Variants in TBCD observed in about 807,000 individuals in gnomAD.
TBCD encodes tubulin-specific chaperone D.
Under a neutral mutation model 169.3 loss-of-function variants are expected in TBCD, and 105 were observed. The ratio of observed to expected loss-of-function variants is 0.62; its 90% CI spans 0.53 to 0.73. The LOEUF (loss-of-function observed/expected upper bound fraction) is 0.73, where lower values mean the gene tolerates loss of function less well. Ranked by LOEUF, TBCD falls within the 30% of genes least tolerant of loss-of-function variation. The probability of loss-of-function intolerance (pLI) is 0.00; values close to 1 mark genes in which losing one functional copy is unlikely to be tolerated. For synonymous variants in TBCD, 700 were observed against 643.9 expected, an observed-to-expected ratio of 1.09 and a Z score of -1.32; for missense variants, 1,444 against 1,600.1, an observed-to-expected ratio of 0.90 and a Z score of 1.66.
Position 82,806,359 on chromosome 17 carries a change from CT to C in TBCD, c.1087+349del, listed in dbSNP as rs1268299558. ...GCTCAGGTCTCTGGCTCCTTGGCCC[CT>C]AAACCCTGCTCAGTTCCTTACCTCA... On this transcript the variant is annotated intron_variant, in intron 10 of 38. Coordinates refer to ENST00000355528, the MANE Select transcript of TBCD (RefSeq NM_005993.5). This position sits in a 1 kb window ranked among gnomAD's most constrained non-coding sequence, Gnocchi z 5.1. Among the ~76,000 whole-genome samples, 1 of 152,130 alleles carries C rather than the reference CT, an allele frequency of 6.6e-6. No individual in the cohort carries two copies. The highest frequency in any genetic ancestry group is 6.5e-5 in the Admixed American group (1 of 15,272).
At chr17:82,797,698 GTA>G (rs2050197584) in intron 7 of TBCD, 57 bp from the exon 8 acceptor site, 2 of 1,241,844 alleles carry the variant, frequency 1.6e-6, no homozygotes, top group African/African-American at 3.1e-5. Flanking sequence ...CAATTTGTGT[GTA>G]TGTTTTAAAC....
Position 82,831,462 on chromosome 17 carries a change from A to T in TBCD, c.1318+16528A>T. The T allele has an allele frequency of 6.2e-7, 1 of 1,614,146 alleles. No individual in the cohort carries two copies. The highest frequency in any genetic ancestry group is 8.5e-7 in the Non-Finnish European group (1 of 1,180,020). On this transcript the variant is annotated intron_variant, in intron 13 of 38. Coordinates refer to ENST00000355528, the MANE Select transcript of TBCD (RefSeq NM_005993.5). This position sits in a 1 kb window ranked among gnomAD's most constrained non-coding sequence, Gnocchi z 4.6. Reference sequence around the variant, plus strand: ...CAGTGACAGGTGGGAGTCTGAGACCATAGGAGGAAAATGCAGACTCTGGCC... The same window carrying T: ...CAGTGACAGGTGGGAGTCTGAGACCTTAGGAGGAAAATGCAGACTCTGGCC...
At chr17:82,764,248 C>T (rs78221011) in intron 3 of TBCD, among the ~76,000 whole-genome samples, 186 bp downstream of exon 3, 1 of 152,212 alleles carries the variant, frequency 6.6e-6, no homozygotes, top group African/African-American at 2.4e-5. Context: ...TTGGCTGAAA[C>T]AGTGTCAGGA....
At chr17:82,938,258 C>A in intron 36 of TBCD, 122 bp downstream of exon 36, 1 of 1,146,148 alleles carries the variant, frequency 8.7e-7, no homozygotes. Flanking sequence ...CTCGTTAACG[C>A]GCCTGGGTGA....
intron 5 of TBCD, among the ~76,000 whole-genome samples, chr17:82,769,598 T>C (rs1182780364): frequency 6.6e-6 from 1 of 152,186 alleles, no homozygotes; most frequent in African/African-American, 2.4e-5. Context: ...TACATTGGGC[T>C]GGGCATGGTG....
At position 82,920,057 on chromosome 17, in the gene TBCD, TG is replaced by T. The variant is rs1159348867; in HGVS notation, c.2039-497del. On this transcript the variant is annotated intron_variant, in intron 23 of 38. Coordinates refer to ENST00000355528, the MANE Select transcript of TBCD (RefSeq NM_005993.5). This position sits in a 1 kb window ranked among gnomAD's most constrained non-coding sequence, Gnocchi z 4.1. ...CCAGTCGTCTCTGTCTCGTGCGTCC[TG>T]GCCCCCTCGTGGCTGGTCAGGGCCA... Among the ~76,000 whole-genome samples, 2 of 152,186 alleles carry T rather than the reference TG, an allele frequency of 1.3e-5. No homozygotes were observed. Among genetic ancestry groups the T allele is most frequent in the Non-Finnish European group, 2.9e-5 (2 of 68,020 alleles).
intron 8 of TBCD, among the ~76,000 whole-genome samples, chr17:82,798,247 C>A (rs756216140): frequency 2.7e-5 from 4 of 148,532 alleles, no homozygotes; most frequent in African/African-American, 1.0e-4. Context: ...CCTGGATTCA[C>A]GCCATTCTCC....
intron 13 of TBCD, among the ~76,000 whole-genome samples, chr17:82,863,810 G>A (rs914665601): frequency 6.6e-6 from 1 of 152,234 alleles, no homozygotes; most frequent in African/African-American, 2.4e-5. Context: ...GGAGTAGGAG[G>A]TGCTGCCTGA....
At chr17:82,853,963 T>C (rs2056037115) in intron 13 of TBCD, among the ~76,000 whole-genome samples, 1 of 152,188 alleles carries the variant, frequency 6.6e-6, no homozygotes, top group African/African-American at 2.4e-5. Context: ...CCACATCTTC[T>C]TCCTTGTTGG....
chr17:82,928,251 G>T (rs1310885649), intron 30 of TBCD, among the ~76,000 whole-genome samples: 1 of 152,168 alleles, frequency 6.6e-6, no homozygotes, highest in Non-Finnish European at 1.5e-5. Flanking sequence ...GGCCTCCAAC[G>T]GTGCTCTGGC....
At position 82,943,970 on chromosome 17, in the gene TBCD, T is replaced by C. The variant is rs1221513389; in HGVS notation, c.*1507T>C. 1.3e-5 allele frequency: 2 copies of C among 152,212 alleles called. No individual in the cohort carries two copies. The highest frequency in any genetic ancestry group is 2.9e-5 in the Non-Finnish European group (2 of 68,042). The allele number at this position is 152,212 out of a possible 1,614,324, so 9.4% of individuals were successfully genotyped here. A position where few individuals can be genotyped will look rare whatever the true frequency, so the allele number is the denominator to read the frequency against. ...CCTGTGGTCGGCACACACGAGACTC[T>C]GGTTGCGCCTGCTGGGTGTGGAACA... On this transcript the variant is annotated 3_prime_UTR_variant, in exon 39 of 39. Transcript: ENST00000355528.
intron 13 of TBCD, among the ~76,000 whole-genome samples, chr17:82,850,538 A>G (rs555074699): frequency 0.14 from 3,526 of 25,992 alleles, 50 homozygotes; most frequent in Admixed American, 0.16. Context: ...TGCTGTTGTT[A>G]GCTGTGCTGT....
At chr17:82,784,597 C>G (rs756763286) in intron 7 of TBCD, among the ~76,000 whole-genome samples, 21 of 152,134 alleles carry the variant, frequency 1.4e-4, no homozygotes, top group Non-Finnish European at 2.9e-4. Flanking sequence ...CAATTGGATT[C>G]TTCATTTTTT....
chr17:82,834,743 G>A (rs1257506697), intron 13 of TBCD, among the ~76,000 whole-genome samples: 1 of 152,086 alleles, frequency 6.6e-6, no homozygotes, highest in African/African-American at 2.4e-5. Context: ...GGGAGGGAGA[G>A]CATTAAGACA....
chr17:82,859,813 C>G lies in TBCD; in HGVS notation c.1319-10411C>G, dbSNP rs185785457. ...CTGTCCTGCCTGTTCATGGCAGTGA[C>G]CCAGAAAGATTCATCAGTGGGCGGT... is the stretch of plus-strand genomic sequence containing the variant. On this transcript the variant is annotated intron_variant, in intron 13 of 38. Coordinates refer to ENST00000355528, the MANE Select transcript of TBCD (RefSeq NM_005993.5). 415 of 985,442 alleles carry G rather than the reference C, an allele frequency of 4.2e-4. 1 individual carries two copies. Among genetic ancestry groups the G allele is most frequent in the Middle Eastern group, 5.2e-4 (1 of 1,914 alleles). 61.0% of individuals were successfully genotyped at this position (985,442 alleles called of 1,614,324 possible).
rs1436193273 is a variant in TBCD, at chr17:82,782,458, C to G, written c.771+737C>G. ...GAGAGCACTTCTCATCCTTGTCTCA[C>G]GCTGTGGAGCCTGTGGTCCCTCTGA... On this transcript the variant is annotated intron_variant, in intron 7 of 38. Transcript: ENST00000355528. This position sits in a 1 kb window ranked among gnomAD's most constrained non-coding sequence, Gnocchi z 5.1. Among the ~76,000 whole-genome samples, 2 of 152,136 alleles carry G rather than the reference C, an allele frequency of 1.3e-5. No individual in the cohort carries two copies. The highest frequency in any genetic ancestry group is 2.1e-4 in the South Asian group (1 of 4,826).
Position 82,893,600 on chromosome 17 carries a change from C to A in TBCD, c.1617C>A (p.Val539=), listed in dbSNP as rs371623110. The change falls in exon 17 of 39, where the codon GTC becomes GTA. Residue 539 remains valine, a synonymous_variant. Coordinates refer to ENST00000355528, the MANE Select transcript of TBCD (RefSeq NM_005993.5). ...DILTTADYFA[V]GNRSNCFLVI... Reference sequence around the variant, plus strand: ...TGACCACAGCTGACTATTTTGCCGTCGGTAACAGATCCAACTGTTTCCTGG... The same window carrying A: ...TGACCACAGCTGACTATTTTGCCGTAGGTAACAGATCCAACTGTTTCCTGG... The A allele has an allele frequency of 6.2e-7, 1 of 1,611,288 alleles. No homozygotes were observed. The highest frequency in any genetic ancestry group is 8.5e-7 in the Non-Finnish European group (1 of 1,178,724).
At chr17:82,772,900 C>T (rs2048377031) in intron 6 of TBCD, among the ~76,000 whole-genome samples, 2 of 152,112 alleles carry the variant, frequency 1.3e-5, no homozygotes, top group South Asian at 4.1e-4. Context: ...GATGAAAATC[C>T]CCCAACGTCC....
intron 14 of TBCD, among the ~76,000 whole-genome samples, chr17:82,881,132 G>A (rs2058325459): frequency 1.3e-5 from 2 of 152,108 alleles, no homozygotes; most frequent in South Asian, 2.1e-4. Context: ...AAGGCTGGCT[G>A]GACACTGCAA....
Sources: gnomAD v4.1 joint callset for allele counts (sites outside exome capture counted in the v4.1 genomes callset) on GRCh38, gnomAD v4.1.1 for gene constraint, Gnocchi (gnomAD v3.1) non-coding constraint, MANE v1.5 for transcripts, NCBI Gene and HGNC (gene_info 2026-07-23, HGNC 2026-07-21) for gene names.